The following CTNNA2 variants were observed in gnomAD, a reference collection of about 807,000 sequenced individuals.
CTNNA2 encodes catenin alpha 2.
In CTNNA2, 42 loss-of-function variants were observed where a neutral mutation model predicts 101.0. The ratio of observed to expected loss-of-function variants is 0.42; its 90% CI spans 0.32 to 0.54. The LOEUF is 0.54. Among genes scored for constraint, CTNNA2 ranks in the 20% least tolerant of loss-of-function variants. CTNNA2 has a pLI of 0.14. For missense variants in CTNNA2, 871 were observed against 1,223.1 expected (o/e 0.71, Z 4.29); for synonymous variants, 450 against 456.4 (o/e 0.99, Z 0.18).
At chr2:79,216,002 G>T (rs1343116781) in intron 2 of CTNNA2, among the ~76,000 whole-genome samples, 1 of 152,008 alleles carries the variant, frequency 6.6e-6, no homozygotes, top group Non-Finnish European at 1.5e-5. Context: ...GATTTGGGAC[G>T]AGTTGCATTG....
At chr2:80,244,131 A>G (rs556860100) in intron 7 of CTNNA2, among the ~76,000 whole-genome samples, 1 of 152,346 alleles carries the variant, frequency 6.6e-6, no homozygotes, top group South Asian at 2.1e-4. Context: ...ATAACTAAAG[A>G]AGAACTTTTG....
At chr2:80,535,033 T>C (rs2149603276) in intron 9 of CTNNA2, among the ~76,000 whole-genome samples, 1 of 152,306 alleles carries the variant, frequency 6.6e-6, no homozygotes, top group South Asian at 2.1e-4. Context: ...ATTTGGGATC[T>C]AACGGGTTGA....
intron 2 of CTNNA2, among the ~76,000 whole-genome samples, chr2:79,713,654 G>C (rs1397983262): frequency 1.3e-5 from 2 of 152,072 alleles, no homozygotes; most frequent in Non-Finnish European, 2.9e-5. Context: ...GTCTTGATAG[G>C]ACACTGCACT....
chr2:80,124,945 G>A (rs2148884547), intron 7 of CTNNA2, among the ~76,000 whole-genome samples: 2 of 152,244 alleles, frequency 1.3e-5, no homozygotes, highest in East Asian at 3.9e-4. Context: ...AGTGGAGCAG[G>A]GGCCAAGGCA....
Position 80,376,545 on chromosome 2 carries a change from T to C in CTNNA2, c.1057-16666T>C, listed in dbSNP as rs377663813. ...TATTAGTGTTTTAGCAGGGAACTTCTGGAGTCATTACAAATGAGTTACAAT... is the reference window on the plus strand; with the variant it reads ...TATTAGTGTTTTAGCAGGGAACTTCCGGAGTCATTACAAATGAGTTACAAT... On this transcript the variant is annotated intron_variant, in intron 7 of 18. Coordinates refer to ENST00000402739, the MANE Select transcript of CTNNA2 (RefSeq NM_001282597.3). Among the ~76,000 whole-genome samples the C allele has an allele frequency of 4.8e-4, 73 of 152,178 alleles. 1 individual carries two copies. The highest frequency in any genetic ancestry group is 1.6e-3 in the African/African-American group (66 of 41,506).
chr2:79,395,985 A>T (rs1403311804), intron 4 of CTNNA2, among the ~76,000 whole-genome samples: 1 of 152,166 alleles, frequency 6.6e-6, no homozygotes, highest in African/African-American at 2.4e-5. Flanking sequence ...ACTGGGAGTT[A>T]TTATATTTCA....
intron 2 of CTNNA2, among the ~76,000 whole-genome samples, chr2:79,269,731 A>C (rs1675037545): frequency 6.6e-6 from 1 of 152,150 alleles, no homozygotes; most frequent in Admixed American, 6.5e-5. Flanking sequence ...CACAGAGGGC[A>C]TAACACATGA....
chr2:80,024,522 T>G (rs536523105), intron 7 of CTNNA2, among the ~76,000 whole-genome samples: 1 of 152,286 alleles, frequency 6.6e-6, no homozygotes, highest in South Asian at 2.1e-4. Flanking sequence ...TCCTGAAGGC[T>G]CATTTGCTTA....
chr2:79,286,040 G>A (rs1458775852), intron 2 of CTNNA2, among the ~76,000 whole-genome samples: 1 of 150,918 alleles, frequency 6.6e-6, no homozygotes, highest in African/African-American at 2.5e-5. Context: ...ATCTTTGTTG[G>A]TTTAAAGTCT....
chr2:79,458,417 G>T (rs1398405180), intron 4 of CTNNA2, among the ~76,000 whole-genome samples: 2 of 152,130 alleles, frequency 1.3e-5, no homozygotes, highest in Non-Finnish European at 1.5e-5. Flanking sequence ...AATGTCTTGT[G>T]CTCTCTCCTG....
chr2:79,215,682 A>G lies in CTNNA2; in HGVS notation c.-406+17606A>G, dbSNP rs563522841. Among the ~76,000 whole-genome samples, 16 of 152,202 alleles carry G rather than the reference A, an allele frequency of 1.1e-4. No homozygotes were observed. The South Asian group carries it at 2.9e-3, about 28-fold the overall frequency. On this transcript the variant is annotated intron_variant, in intron 2 of 21. Transcript: ENST00000466387. ...TGAAAAAGAGCCTAAACGCTCTCTG[A>G]TTTGGGATTAAAAAAAGGAGCATTA...
At chr2:79,497,720 G>A (rs1045456299) in intron 4 of CTNNA2, among the ~76,000 whole-genome samples, 7 of 152,124 alleles carry the variant, frequency 4.6e-5, no homozygotes, top group South Asian at 2.1e-4. Flanking sequence ...GCATATCATC[G>A]CTATCTCTTG....
intron 2 of CTNNA2, among the ~76,000 whole-genome samples, chr2:79,681,607 G>A (rs767863965): frequency 6.6e-5 from 10 of 152,176 alleles, no homozygotes; most frequent in Non-Finnish European, 1.2e-4. Context: ...ATGAAATATG[G>A]AACAAGTCAG....
intron 6 of CTNNA2, among the ~76,000 whole-genome samples, chr2:79,908,436 G>A (rs1272986014): frequency 6.6e-6 from 1 of 152,104 alleles, no homozygotes; most frequent in Non-Finnish European, 1.5e-5. Context: ...TTGGACCTCT[G>A]AGAGTGCACC....
intron 3 of CTNNA2, among the ~76,000 whole-genome samples, chr2:79,325,986 G>C (rs890180725): frequency 2.6e-5 from 4 of 152,194 alleles, no homozygotes; most frequent in African/African-American, 9.6e-5. Context: ...TTTAGAGTCA[G>C]TGTATGCCTA....
At chr2:79,959,337 G>T (rs1689467599) in intron 7 of CTNNA2, among the ~76,000 whole-genome samples, 2 of 152,122 alleles carry the variant, frequency 1.3e-5, no homozygotes, top group African/African-American at 4.8e-5. Flanking sequence ...TATCAGAGTA[G>T]TCTAGTGAGT....
intron 3 of CTNNA2, among the ~76,000 whole-genome samples, chr2:79,793,442 A>G (rs1388487990): frequency 6.6e-6 from 1 of 152,140 alleles, no homozygotes; most frequent in Non-Finnish European, 1.5e-5. Flanking sequence ...TTTATATTGG[A>G]CAGGAAACAC....
At chr2:79,352,228 G>A (rs1343018729) in intron 3 of CTNNA2, among the ~76,000 whole-genome samples, 4 of 151,474 alleles carry the variant, frequency 2.6e-5, no homozygotes, top group African/African-American at 7.3e-5. Flanking sequence ...TTTTTTTCTG[G>A]TTGGTAGGTT....
chr2:79,739,760 T>C (rs1025025083), intron 2 of CTNNA2, among the ~76,000 whole-genome samples: 1 of 152,204 alleles, frequency 6.6e-6, no homozygotes, highest in East Asian at 1.9e-4. Flanking sequence ...ATTCCAGCAA[T>C]TGGGCCACCT....
Sources: allele counts gnomAD v4.1 joint callset (sites outside exome capture counted in the v4.1 genomes callset), GRCh38; gene constraint gnomAD v4.1.1; transcripts MANE v1.5; gene names NCBI Gene and HGNC (gene_info 2026-07-23, HGNC 2026-07-21).